The following ATP10A variants were observed in gnomAD, a reference collection of about 807,000 sequenced individuals.
ATP10A encodes phospholipid-transporting ATPase VA.
A neutral mutation model predicts 147.8 loss-of-function variants in ATP10A; 111 were observed. The observed-to-expected ratio is 0.75, with a 90% CI of 0.64 to 0.88. The LOEUF is 0.88. Ranked by LOEUF, ATP10A falls within the 40% of genes least tolerant of loss-of-function variation. The pLI is 0.00. For synonymous variants in ATP10A, 875 were observed against 841.6 expected, an observed-to-expected ratio of 1.04 and a Z score of -0.69; for missense variants, 1,927 against 1,959.0, an observed-to-expected ratio of 0.98 and a Z score of 0.31.
intron 1 of ATP10A, among the ~76,000 whole-genome samples, chr15:25,859,042 C>G (rs1229773032): frequency 6.6e-6 from 1 of 152,184 alleles, no homozygotes; most frequent in Non-Finnish European, 1.5e-5. Flanking sequence ...CCCCCCTCAC[C>G]CCTGCTGTGG....
intron 1 of ATP10A, among the ~76,000 whole-genome samples, chr15:25,832,138 G>A (rs1445163534): frequency 1.3e-5 from 2 of 152,182 alleles, no homozygotes; most frequent in Non-Finnish European, 2.9e-5. Context: ...CTGCAAGACA[G>A]GGGACGTAAG....
At chr15:25,708,380 A>C in intron 10 of ATP10A, 80 bp from the exon 11 acceptor site, 1 of 1,275,490 alleles carries the variant, frequency 7.8e-7, no homozygotes, top group East Asian at 2.3e-5. Flanking sequence ...GATTTACCCC[A>C]CGTCTGTTCG....
chr15:25,797,832 C>T (rs1596906689), intron 1 of ATP10A, among the ~76,000 whole-genome samples: 1 of 152,206 alleles, frequency 6.6e-6, no homozygotes, highest in Non-Finnish European at 1.5e-5. Context: ...CTCCACGTGC[C>T]AGCACAGCCA....
At chr15:25,728,855 C>T (rs548364436) in intron 3 of ATP10A, among the ~76,000 whole-genome samples, 4 of 152,294 alleles carry the variant, frequency 2.6e-5, no homozygotes, top group East Asian at 3.9e-4. Flanking sequence ...GAAGGAAGAG[C>T]GAATGCGAGG....
chr15:25,862,440 G>A, intron 1 of ATP10A: 1 of 663,538 alleles, frequency 1.5e-6, no homozygotes, highest in Non-Finnish European at 2.7e-6. Flanking sequence ...CATCCAGGGC[G>A]CCCCTTTAGC....
intron 2 of ATP10A, among the ~76,000 whole-genome samples, chr15:25,756,681 GTGCT>G (rs1888432965): frequency 6.6e-6 from 1 of 152,130 alleles, no homozygotes; most frequent in East Asian, 1.9e-4. Flanking sequence ...AGAAAAGTGA[GTGCT>G]TAAATCAAAC....
At chr15:25,706,334 CA>C (rs1393008165) in intron 12 of ATP10A, among the ~76,000 whole-genome samples, 1 of 152,198 alleles carries the variant, frequency 6.6e-6, no homozygotes, top group Non-Finnish European at 1.5e-5. Context: ...AAGCACCAAC[CA>C]GGAGACTCAC....
chr15:25,847,252 G>A (rs1011565116), intron 1 of ATP10A, among the ~76,000 whole-genome samples: 2 of 152,184 alleles, frequency 1.3e-5, no homozygotes, highest in Admixed American at 6.5e-5. Flanking sequence ...GTGGCCCTGA[G>A]TAACATCTCT....
chr15:25,745,080 C>A (rs568453040), intron 2 of ATP10A, among the ~76,000 whole-genome samples: 1 of 152,164 alleles, frequency 6.6e-6, no homozygotes, highest in Non-Finnish European at 1.5e-5. Flanking sequence ...AATCCCAGCA[C>A]TTTGGGAGGC....
intron 13 of ATP10A, among the ~76,000 whole-genome samples, chr15:25,701,576 G>A (rs1219569548): frequency 6.6e-6 from 1 of 152,198 alleles, no homozygotes; most frequent in Non-Finnish European, 1.5e-5. Context: ...TGCCTGCAAT[G>A]ATCCTGAGGT....
chr15:25,800,311 C>T (rs898387911), intron 1 of ATP10A, among the ~76,000 whole-genome samples: 3 of 152,136 alleles, frequency 2.0e-5, no homozygotes, highest in Non-Finnish European at 2.9e-5. Context: ...CAAGATAAGC[C>T]GCTTCCCTTG....
chr15:25,701,084 G>A (rs912503859), intron 13 of ATP10A, among the ~76,000 whole-genome samples: 17 of 152,162 alleles, frequency 1.1e-4, no homozygotes, highest in Admixed American at 9.2e-4. Context: ...AACAAGGTGC[G>A]AGGGTCACAA....
At chr15:25,748,775 C>A (rs560061625) in intron 2 of ATP10A, among the ~76,000 whole-genome samples, 1 of 151,866 alleles carries the variant, frequency 6.6e-6, no homozygotes, top group African/African-American at 2.4e-5. Flanking sequence ...ACATGAGTGA[C>A]CAGGCACAGT....
downstream of ATP10A, among the ~76,000 whole-genome samples, chr15:25,674,743 ATAAT>A (rs1160628564): frequency 6.6e-6 from 1 of 152,264 alleles, no homozygotes; most frequent in Non-Finnish European, 1.5e-5. Flanking sequence ...CTTTTCTAAA[ATAAT>A]TAAATTATGA....
chr15:25,813,444 T>C (rs761283758), intron 1 of ATP10A, among the ~76,000 whole-genome samples: 16 of 152,104 alleles, frequency 1.1e-4, no homozygotes, highest in Non-Finnish European at 2.1e-4. Context: ...TATATGAACA[T>C]AAAAATGTCC....
chr15:25,749,449 A>G (rs796631076), intron 2 of ATP10A, among the ~76,000 whole-genome samples: 8 of 152,332 alleles, frequency 5.3e-5, no homozygotes, highest in African/African-American at 1.4e-4. Flanking sequence ...TAGGGAACTT[A>G]GGAAAGTCTT....
chr15:25,713,735 G>C lies in ATP10A; in HGVS notation c.2283C>G (p.Ile761Met). The C allele has an allele frequency of 6.2e-7, 1 of 1,614,136 alleles. No homozygotes were observed. Among genetic ancestry groups the C allele is most frequent in the East Asian group, 2.2e-5 (1 of 44,864 alleles). Residue 761 changes from isoleucine to methionine, a missense_variant, in exon 10 of 21, where the codon ATC (isoleucine) becomes ATG (methionine). Transcript: ENST00000555815. ...VVIRHPLTDE[I>M]NVYTKGADSV... is the part of the protein sequence containing the mutation. ...AGTCGGCCCCCTTGGTGTAGACGTT[G>C]ATCTCATCGGTAAGCGGGTGCCGGA...
intron 1 of ATP10A, among the ~76,000 whole-genome samples, chr15:25,838,339 C>T (rs1259659734): frequency 6.6e-6 from 1 of 152,156 alleles, no homozygotes; most frequent in Non-Finnish European, 1.5e-5. Context: ...CGCTAGGTGT[C>T]TGCCCAACCC....
chr15:25,764,904 G>A (rs1488983086), intron 2 of ATP10A, among the ~76,000 whole-genome samples: 14 of 152,186 alleles, frequency 9.2e-5, no homozygotes, highest in Non-Finnish European at 2.9e-5. Context: ...ACTGGGTTCA[G>A]GAAATGAGTG....
Sources: gnomAD v4.1 joint callset for allele counts (sites outside exome capture counted in the v4.1 genomes callset) on GRCh38, gnomAD v4.1.1 for gene constraint, MANE v1.5 for transcripts, NCBI Gene and HGNC (gene_info 2026-07-23, HGNC 2026-07-21) for gene names.